HS3ST5: variants seen among roughly 807,000 people sequenced by gnomAD.
HS3ST5 encodes heparan sulfate-glucosamine 3-sulfotransferase 5.
In HS3ST5, 10 loss-of-function variants were observed where a neutral mutation model predicts 25.4. The ratio of observed to expected loss-of-function variants is 0.39; its 90% CI spans 0.24 to 0.67. The LOEUF (loss-of-function observed/expected upper bound fraction) is 0.67. Ranked by LOEUF, HS3ST5 falls within the 30% of genes least tolerant of loss-of-function variation. HS3ST5 has a pLI of 0.44. For missense variants in HS3ST5, 324 were observed against 420.7 expected (o/e 0.77, Z 2.01); for synonymous variants, 170 against 162.4 (o/e 1.05, Z -0.36).
intron 3 of HS3ST5, among the ~76,000 whole-genome samples, chr6:114,130,455 G>A (rs1777269690): frequency 6.6e-6 from 1 of 152,160 alleles, no homozygotes; most frequent in African/African-American, 2.4e-5. Context: ...GAAAAATCTG[G>A]GGTGGGAGAT....
At chr6:114,119,344 A>T (rs1487359495) in intron 3 of HS3ST5, among the ~76,000 whole-genome samples, 1 of 152,230 alleles carries the variant, frequency 6.6e-6, no homozygotes, top group Non-Finnish European at 1.5e-5. Context: ...TTGTTCTGAT[A>T]AAATGGCAGA....
chr6:114,265,342 A>G (rs1773358732), intron 1 of HS3ST5, among the ~76,000 whole-genome samples: 1 of 152,188 alleles, frequency 6.6e-6, no homozygotes, highest in Admixed American at 6.5e-5. Flanking sequence ...TACTGGCAGA[A>G]AGCTGGGGGA....
Position 114,057,930 on chromosome 6 carries a change from A to G in HS3ST5, c.368T>C (p.Ile123Thr). ...HPAVVKASQEIHFFDNDENYG... is the reference protein window; with the variant it reads ...HPAVVKASQETHFFDNDENYG... ...ATTCTCATCATTATCAAAAAAGTGG[A>G]TTTCTTGAGAGGCTTTGACTACTGC... Residue 123 changes from isoleucine to threonine, a missense_variant, in exon 5 of 5, where the codon ATC becomes ACC. By Grantham distance (89) the Ile-to-Thr change is moderately conservative (BLOSUM62 -1). This residue lies in a region of HS3ST5 where 203 missense variants were observed against 303.4 expected (regional missense o/e 0.67). Transcript: ENST00000312719. 6.2e-7 allele frequency: 1 copy of G among 1,614,112 alleles called. No individual in the cohort carries two copies. Among genetic ancestry groups the G allele is most frequent in the Non-Finnish European group, 8.5e-7 (1 of 1,180,016 alleles).
chr6:114,084,451 T>C lies in HS3ST5; in HGVS notation c.-32-21574A>G, dbSNP rs185920936. 1.3e-3 allele frequency: 965 copies of C among 756,860 alleles called. 6 individuals carry two copies. Among genetic ancestry groups the C allele is most frequent in the Middle Eastern group, 3.1e-3 (10 of 3,252 alleles). 46.9% of individuals were successfully genotyped at this position (756,860 alleles called of 1,614,324 possible). On this transcript the variant is annotated intron_variant, in intron 3 of 4. Transcript: ENST00000312719. ...AGTCTCTTCAGGATCTCTGTAGAAG[T>C]AGAGATCAGGCATGACCTCCCGCGG...
chr6:114,084,574 A>G, intron 3 of HS3ST5: 1 of 765,722 alleles, frequency 1.3e-6, no homozygotes. Context: ...GTTGCACGGG[A>G]TGGCAAAGTC....
chr6:114,329,066 T>A (rs1776287355), intron 1 of HS3ST5, among the ~76,000 whole-genome samples: 1 of 152,208 alleles, frequency 6.6e-6, no homozygotes, highest in African/African-American at 2.4e-5. Flanking sequence ...TAATTTGTAA[T>A]AGATGATAAA....
chr6:114,100,272 G>A (rs531678572), intron 3 of HS3ST5, among the ~76,000 whole-genome samples: 12 of 152,108 alleles, frequency 7.9e-5, no homozygotes, highest in South Asian at 2.1e-4. Context: ...TCTGGGTCAC[G>A]TTCTCCACGC....
At chr6:114,091,854 G>C (rs1335517350) in intron 3 of HS3ST5, among the ~76,000 whole-genome samples, 1 of 152,128 alleles carries the variant, frequency 6.6e-6, no homozygotes, top group Non-Finnish European at 1.5e-5. Context: ...CAAGCAAAGA[G>C]GTCAGAGCAT....
intron 3 of HS3ST5, among the ~76,000 whole-genome samples, chr6:114,067,722 C>T (rs968575224): frequency 5.3e-5 from 8 of 152,188 alleles, no homozygotes; most frequent in African/African-American, 7.2e-5. Context: ...ATGGCAGGCC[C>T]GGTACGCATT....
chr6:114,061,489 A>T (rs1368889150), intron 4 of HS3ST5, among the ~76,000 whole-genome samples: 1 of 152,248 alleles, frequency 6.6e-6, no homozygotes, highest in African/African-American at 2.4e-5. Context: ...CTGCTATGTT[A>T]TTTCTAAATA....
At chr6:114,088,925 CTCT>C (rs961691498) in intron 3 of HS3ST5, 35 of 152,196 alleles carry the variant, frequency 2.3e-4, no homozygotes, top group African/African-American at 8.4e-4. Flanking sequence ...GCTCATTTCC[CTCT>C]TCTTACAGAT....
At chr6:114,073,554 G>C (rs185306967) in intron 3 of HS3ST5, among the ~76,000 whole-genome samples, 4 of 152,298 alleles carry the variant, frequency 2.6e-5, no homozygotes. Flanking sequence ...GTCATCACTG[G>C]TTATCAGAGA....
intron 1 of HS3ST5, among the ~76,000 whole-genome samples, chr6:114,250,171 T>C (rs1772583254): frequency 6.6e-6 from 1 of 152,050 alleles, no homozygotes; most frequent in Non-Finnish European, 1.5e-5. Flanking sequence ...GATGGTGAAA[T>C]GGGATGGGAG....
chr6:114,180,302 T>C (rs1193622332), intron 2 of HS3ST5, among the ~76,000 whole-genome samples: 5 of 152,214 alleles, frequency 3.3e-5, no homozygotes, highest in African/African-American at 1.2e-4. Flanking sequence ...TATCTCCCAA[T>C]GTATGTCACG....
At chr6:114,330,113 G>T (rs7349953) in intron 1 of HS3ST5, among the ~76,000 whole-genome samples, 48,668 of 151,902 alleles carry the variant, frequency 0.32, 8,638 homozygotes, top group Non-Finnish European at 0.41. Context: ...AGAAAATTTA[G>T]ATTATTCCAG....
At chr6:114,288,557 C>A (rs114486614) in intron 1 of HS3ST5, among the ~76,000 whole-genome samples, 4,891 of 152,020 alleles carry the variant, frequency 0.032, 277 homozygotes, top group African/African-American at 0.11. Context: ...CTCTTGGAAT[C>A]CTTGCTCTTG....
chr6:114,222,472 A>C (rs540745055), intron 2 of HS3ST5, among the ~76,000 whole-genome samples: 54 of 151,982 alleles, frequency 3.6e-4, no homozygotes, highest in African/African-American at 1.3e-3. Flanking sequence ...CTCAGCTGAA[A>C]TCACTGTACA....
intron 1 of HS3ST5, among the ~76,000 whole-genome samples, chr6:114,297,990 T>C (rs1429318197): frequency 2.0e-5 from 3 of 152,222 alleles, no homozygotes; most frequent in Non-Finnish European, 4.4e-5. Context: ...AGAAGATGGT[T>C]GTCTCCTGTC....
intron 2 of HS3ST5, among the ~76,000 whole-genome samples, chr6:114,180,168 C>T (rs1042085569): frequency 6.6e-6 from 1 of 152,076 alleles, no homozygotes; most frequent in Non-Finnish European, 1.5e-5. Context: ...TATCCAGAAA[C>T]AATACTTTGC....
Sources: allele counts gnomAD v4.1 joint callset (sites outside exome capture counted in the v4.1 genomes callset), GRCh38; gene constraint gnomAD v4.1.1; regional missense constraint gnomAD v4.1.1; transcripts MANE v1.5; gene names NCBI Gene and HGNC (gene_info 2026-07-23, HGNC 2026-07-21).